Variants in LCE4A observed in about 807,000 individuals in gnomAD.
LCE4A encodes the protein late cornified envelope protein 4A.
For synonymous variants in LCE4A, 41 were observed against 42.3 expected, an observed-to-expected ratio of 0.97 and a Z score of 0.12; for missense variants, 110 against 111.3, an observed-to-expected ratio of 0.99 and a Z score of 0.05.
chr1:152,709,031 A>G (rs373226489), intron 1 of LCE4A, 24 bp from the exon 2 acceptor site: 55 of 1,442,680 alleles, frequency 3.8e-5, no homozygotes, highest in South Asian at 3.6e-4. Flanking sequence ...AAGTTTCTGT[A>G]TATGTTTCTA....
intron 1 of LCE4A, 92 bp downstream of exon 1, chr1:152,708,486 A>C (rs1393644194): frequency 6.6e-6 from 1 of 152,662 alleles, no homozygotes; most frequent in East Asian, 1.9e-4. Context: ...TGAAGCGTGG[A>C]GTAGGAGGAG....
rs1405726028 is a variant in LCE4A, at chr1:152,708,251, T to G, written c.-165T>G. On this transcript the variant is annotated 5_prime_UTR_variant, in exon 1 of 2. Coordinates refer to ENST00000368777, the MANE Select transcript of LCE4A (RefSeq NM_001387222.1). Reference sequence around the variant, plus strand: ...AATGTCAGGCATGACCCCACACTTGTGCAACAGCCACGTCCTGCTCCTGCC... The same window carrying G: ...AATGTCAGGCATGACCCCACACTTGGGCAACAGCCACGTCCTGCTCCTGCC... The G allele has an allele frequency of 1.3e-5, 2 of 152,370 alleles. No individual in the cohort carries two copies. The highest frequency in any genetic ancestry group is 2.9e-5 in the Non-Finnish European group (2 of 68,136). The allele number at this position is 152,370 out of a possible 1,614,324, so 9.4% of individuals were successfully genotyped here.
At position 152,709,067 on chromosome 1, in the gene LCE4A, C is replaced by T. The variant is rs1332496; in HGVS notation, c.-9C>T. ...TTTTGTCATTCAGGTTTATCGAAAT[C>T]CCACCAAGATGTCCTGCCAGCAGAA... On this transcript the variant is annotated 5_prime_UTR_variant, in exon 2 of 2. Coordinates refer to ENST00000368777, the MANE Select transcript of LCE4A (RefSeq NM_001387222.1). 757 of 1,608,338 alleles carry T rather than the reference C, an allele frequency of 4.7e-4. No homozygotes were observed. The highest frequency in any genetic ancestry group is 5.7e-4 in the Non-Finnish European group (676 of 1,176,408).
At position 152,709,270 on chromosome 1, in the gene LCE4A, CCA is replaced by C. The variant is rs1466388781; in HGVS notation, c.196_197del (p.His66Ter). On this transcript the variant is annotated frameshift_variant, in exon 2 of 2. Transcript: ENST00000368777. LOFTEE classifies it low-confidence loss of function (END_TRUNC). Reference protein sequence around the residue: ...GGCCLSHHRHHRSHCHRPKSS... With the variant: ...GGCCLSHHRHXRSHCHRPKSS... ...GCTGCTGCCTGAGCCACCACAGACACCATAGGTCCCACTGCCACAGACCCAAG... is the reference window on the plus strand; with the variant it reads ...GCTGCTGCCTGAGCCACCACAGACACTAGGTCCCACTGCCACAGACCCAAG... The C allele has an allele frequency of 2.5e-6, 4 of 1,614,076 alleles. No individual in the cohort carries two copies. In the African/African-American group the frequency reaches 5.3e-5, roughly 22 times the overall value.
chr1:152,708,411 G>T lies in LCE4A; in HGVS notation c.-22+17G>T. Reference sequence around the variant, plus strand: ...GAACCCACGGTGAGTGTTTCTATAGGAATCCAGAGGGGGACGCTAGCGGGA... The same window carrying T: ...GAACCCACGGTGAGTGTTTCTATAGTAATCCAGAGGGGGACGCTAGCGGGA... On this transcript the variant is annotated intron_variant, in intron 1 of 1. Transcript: ENST00000368777. 1 of 152,524 alleles carries T rather than the reference G, an allele frequency of 6.6e-6. No individual in the cohort carries two copies. 9.4% of individuals were successfully genotyped at this position (152,524 alleles called of 1,614,324 possible).
chr1:152,708,571 G>A (rs533588630), intron 1 of LCE4A, among the ~76,000 whole-genome samples, 177 bp downstream of exon 1: 33 of 152,192 alleles, frequency 2.2e-4, no homozygotes, highest in Non-Finnish European at 4.3e-4. Flanking sequence ...AACCTGGGAA[G>A]GATTATCCCT....
In LCE4A at chr1:152,709,137, A is replaced by G; in HGVS notation, c.62A>G (p.Tyr21Cys). ...QPPPKCPIPK[Y>C]PPKCPSKCAS... ...CCTCCCAAGTGTCCTATCCCCAAGT[A>G]TCCCCCAAAATGTCCCTCAAAGTGT... The change falls in exon 2 of 2, where the codon TAT becomes TGT. Residue 21 changes from tyrosine to cysteine, a missense_variant. Tyr to Cys is a radical substitution (Grantham distance 194). Coordinates refer to ENST00000368777, the MANE Select transcript of LCE4A (RefSeq NM_001387222.1). 1 of 1,613,728 alleles carries G rather than the reference A, an allele frequency of 6.2e-7. No homozygotes were observed. The highest frequency in any genetic ancestry group is 8.5e-7 in the Non-Finnish European group (1 of 1,179,816).
In LCE4A at chr1:152,709,054, G is replaced by A; in HGVS notation, c.-21-1G>A. 1 of 1,594,304 alleles carries A rather than the reference G, an allele frequency of 6.3e-7. No homozygotes were observed. ...GTATATGTTTCTATTTTGTCATTCA[G>A]GTTTATCGAAATCCCACCAAGATGT... On this transcript the variant is annotated splice_acceptor_variant, in intron 1 of 1. Coordinates refer to ENST00000368777, the MANE Select transcript of LCE4A (RefSeq NM_001387222.1). LOFTEE classifies it low-confidence loss of function (5UTR_SPLICE).
chr1:152,709,336 T>A lies in LCE4A; in HGVS notation c.261T>A (p.Ser87=). ...NCYGSGSGQQ[S]GGSGCCSGGG... Reference sequence around the variant, plus strand: ...ATGGCAGTGGCAGTGGCCAGCAGTCTGGGGGTTCTGGCTGCTGCTCTGGAG... The same window carrying A: ...ATGGCAGTGGCAGTGGCCAGCAGTCAGGGGGTTCTGGCTGCTGCTCTGGAG... Residue 87 remains serine (S), a synonymous_variant, in exon 2 of 2, where the codon TCT becomes TCA. Coordinates refer to ENST00000368777, the MANE Select transcript of LCE4A (RefSeq NM_001387222.1). The A allele has an allele frequency of 6.2e-7, 1 of 1,606,422 alleles. No homozygotes were observed.
Position 152,709,097 on chromosome 1 carries a change from C to G in LCE4A, c.22C>G (p.Gln8Glu). The change falls in exon 2 of 2, where the codon CAG (glutamine) becomes GAG (glutamate). Residue 8 changes from glutamine to glutamate, a missense_variant. Transcript: ENST00000368777. The stretch of plus-strand genomic sequence containing the variant: ...CAAGATGTCCTGCCAGCAGAACCAA[C>G]AGCAGTGCCAGCCCCCTCCCAAGTG... MSCQQNQ[Q>E]QCQPPPKCPI... 1 of 1,612,984 alleles carries G rather than the reference C, an allele frequency of 6.2e-7. No homozygotes were observed. Among genetic ancestry groups the G allele is most frequent in the Non-Finnish European group, 8.5e-7 (1 of 1,179,332 alleles).
Position 152,709,355 on chromosome 1 carries a change from T to A in LCE4A, c.280T>A (p.Ser94Thr). The A allele has an allele frequency of 6.3e-7, 1 of 1,595,956 alleles. No homozygotes were observed. The highest frequency in any genetic ancestry group is 8.6e-7 in the Non-Finnish European group (1 of 1,169,540). ...GQQSGGSGCC[S>T]GGGCC ...GCAGTCTGGGGGTTCTGGCTGCTGC[T>A]CTGGAGGGGGCTGTTGCTGACCTGG... The change falls in exon 2 of 2, where the codon TCT (serine) becomes ACT (threonine). Residue 94 changes from serine to threonine, a missense_variant. Ser to Thr is a moderately conservative substitution (Grantham distance 58). Transcript: ENST00000368777.
In LCE4A at chr1:152,709,099, G is replaced by A. The variant is rs771305891; in HGVS notation, c.24G>A (p.Gln8=). ...AGATGTCCTGCCAGCAGAACCAACA[G>A]CAGTGCCAGCCCCCTCCCAAGTGTC... MSCQQNQ[Q]QCQPPPKCPI... Residue 8 remains glutamine, a synonymous_variant, in exon 2 of 2, where the codon CAG becomes CAA. Coordinates refer to ENST00000368777, the MANE Select transcript of LCE4A (RefSeq NM_001387222.1). 24 of 1,612,400 alleles carry A rather than the reference G, an allele frequency of 1.5e-5. No homozygotes were observed. The highest frequency in any genetic ancestry group is 2.0e-5 in the Non-Finnish European group (24 of 1,179,070).
chr1:152,709,356 C>G lies in LCE4A; in HGVS notation c.281C>G (p.Ser94Cys), dbSNP rs1295391948. The G allele has an allele frequency of 1.3e-6, 2 of 1,591,754 alleles. No homozygotes were observed. Among genetic ancestry groups the G allele is most frequent in the Non-Finnish European group, 1.7e-6 (2 of 1,167,302 alleles). ...CAGTCTGGGGGTTCTGGCTGCTGCT[C>G]TGGAGGGGGCTGTTGCTGACCTGGA... ...GQQSGGSGCC[S>C]GGGCC The change falls in exon 2 of 2, where the codon TCT (serine) becomes TGT (cysteine). Residue 94 changes from serine (S) to cysteine (C), a missense_variant. By Grantham distance (112) the Ser-to-Cys change is moderately radical. Transcript: ENST00000368777.
chr1:152,709,055 G>A lies in LCE4A; in HGVS notation c.-21G>A. ...TATATGTTTCTATTTTGTCATTCAG[G>A]TTTATCGAAATCCCACCAAGATGTC... On this transcript the variant is annotated splice_region_variant and 5_prime_UTR_variant, in exon 2 of 2. Transcript: ENST00000368777. 6.3e-7 allele frequency: 1 copy of A among 1,597,526 alleles called. No individual in the cohort carries two copies. Among genetic ancestry groups the A allele is most frequent in the South Asian group, 1.1e-5 (1 of 89,328 alleles).
In LCE4A at chr1:152,708,993, A is replaced by T. The variant is rs1332402703; in HGVS notation, c.-21-62A>T. 1.8e-5 allele frequency: 18 copies of T among 1,016,310 alleles called. No homozygotes were observed. The Middle Eastern group carries it at 6.5e-4, about 37-fold the overall frequency. The allele number at this position is 1,016,310 out of a possible 1,614,324, so 63.0% of individuals were successfully genotyped here. On this transcript the variant is annotated intron_variant, in intron 1 of 1. Transcript: ENST00000368777. ...TCACCTTGGGGGAGGATTTTAAAAT[A>T]AAAAAAAATGTAATGGCTCTTGATA...
rs4845465 is a variant in LCE4A, at chr1:152,709,369, T to C, written c.294T>C (p.Cys98=). Residue 98 remains cysteine, a synonymous_variant, in exon 2 of 2, where the codon TGT becomes TGC. Coordinates refer to ENST00000368777, the MANE Select transcript of LCE4A (RefSeq NM_001387222.1). ...GGSGCCSGGG[C]C ...CTGGCTGCTGCTCTGGAGGGGGCTG[T>C]TGCTGACCTGGACCAGGAGCAGCAC... 1.3e-6 allele frequency: 2 copies of C among 1,577,746 alleles called. No individual in the cohort carries two copies. Among genetic ancestry groups the C allele is most frequent in the Non-Finnish European group, 1.7e-6 (2 of 1,160,478 alleles).
chr1:152,708,179 G>A lies in LCE4A; in HGVS notation c.-237G>A, dbSNP rs1329259034. The A allele has an allele frequency of 6.6e-6, 1 of 152,344 alleles. No individual in the cohort carries two copies. The highest frequency in any genetic ancestry group is 1.5e-5 in the Non-Finnish European group (1 of 68,160). 9.4% of individuals were successfully genotyped at this position (152,344 alleles called of 1,614,324 possible). A position where few individuals can be genotyped will look rare whatever the true frequency, so the allele number is the denominator to read the frequency against. The stretch of plus-strand genomic sequence containing the variant: ...CACTAGTGCCGAAGAGGCTATCTGG[G>A]AAGCTCATCATCCAGCTCAGGAAGA... On this transcript the variant is annotated 5_prime_UTR_variant, in exon 1 of 2. Transcript: ENST00000368777.
Position 152,709,434 on chromosome 1 carries a change from G to A in LCE4A, c.*59G>A, listed in dbSNP as rs1285005674. 1 of 1,395,122 alleles carries A rather than the reference G, an allele frequency of 7.2e-7. No individual in the cohort carries two copies. The highest frequency in any genetic ancestry group is 9.7e-7 in the Non-Finnish European group (1 of 1,035,990). The allele number at this position is 1,395,122 out of a possible 1,614,324, so 86.4% of individuals were successfully genotyped here. On this transcript the variant is annotated 3_prime_UTR_variant, in exon 2 of 2. Transcript: ENST00000368777. ...GGCGAAGGACCCATTGCAGCCTGGT[G>A]TTTTACCTCCTTCACTCTCTTGCCT...
At chr1:152,709,033 A>T in intron 1 of LCE4A, 22 bp from the exon 2 acceptor site, 1 of 1,460,798 alleles carries the variant, frequency 6.8e-7, no homozygotes, top group Non-Finnish European at 9.5e-7. Flanking sequence ...GTTTCTGTAT[A>T]TGTTTCTATT....
Sources: gnomAD v4.1 joint callset for allele counts (sites outside exome capture counted in the v4.1 genomes callset) on GRCh38, gnomAD v4.1.1 for gene constraint, MANE v1.5 for transcripts, NCBI Gene and HGNC (gene_info 2026-07-23, HGNC 2026-07-21) for gene names.